WDR93: variants seen among roughly 807,000 people sequenced by gnomAD.
WDR93 encodes WD repeat-containing protein 93.
WDR93 carries 73 observed loss-of-function variants against 82.9 expected under a neutral mutation model. The observed-to-expected ratio is 0.88, with a 90% CI of 0.73 to 1.07. The LOEUF (loss-of-function observed/expected upper bound fraction) is 1.07, where lower values mean the gene tolerates loss of function less well. Ranked by LOEUF, WDR93 falls within the 50% of genes least tolerant of loss-of-function variation. The pLI is 0.00. For missense variants in WDR93, 738 were observed against 826.0 expected (o/e 0.89, Z 1.31); for synonymous variants, 283 against 300.1 (o/e 0.94, Z 0.59).
rs1296402033 is a variant in WDR93, at chr15:89,738,148, T to C, written c.1873T>C (p.Cys625Arg). 6.2e-7 allele frequency: 1 copy of C among 1,614,202 alleles called. No homozygotes were observed. Among genetic ancestry groups the C allele is most frequent in the East Asian group, 2.2e-5 (1 of 44,890 alleles). ...CPLLENISKN[C>R]TIPQRDLDNM... is the part of the protein sequence containing the mutation. ...ACTCCTGGAAAATATCTCAAAAAAT[T>C]GTACCATTCCTCAAAGGGACTTGGA... is the stretch of plus-strand genomic sequence containing the variant. Residue 625 changes from cysteine (C) to arginine (R), a missense_variant, in exon 16 of 17, where the codon TGT becomes CGT. Cys to Arg is a radical substitution (Grantham distance 180). Transcript: ENST00000268130.
chr15:89,722,039 CT>C lies in WDR93; in HGVS notation c.796-12del. 1 of 1,538,364 alleles carries C rather than the reference CT, an allele frequency of 6.5e-7. No homozygotes were observed. Among genetic ancestry groups the C allele is most frequent in the Non-Finnish European group, 8.9e-7 (1 of 1,121,896 alleles). The stretch of plus-strand genomic sequence containing the variant: ...TCTTCTCTTGGCTTATTAACTATGC[CT>C]TTTCCTTGTTTTAGGATGCAAATGT... On this transcript the variant is annotated splice_polypyrimidine_tract_variant and intron_variant, in intron 7 of 16. Transcript: ENST00000268130.
intron 5 of WDR93, among the ~76,000 whole-genome samples, chr15:89,713,111 C>T (rs1344248871): frequency 3.8e-5 from 5 of 131,676 alleles, no homozygotes; most frequent in South Asian, 2.3e-4. Flanking sequence ...CAACAAAGAG[C>T]GAAACTCCAT....
chr15:89,708,620 AGAAAG>A (rs1407603346), intron 4 of WDR93, among the ~76,000 whole-genome samples: 1 of 152,208 alleles, frequency 6.6e-6, no homozygotes, highest in Non-Finnish European at 1.5e-5. Flanking sequence ...TTTCATCCAC[AGAAAG>A]GACATCAAGG....
In WDR93 at chr15:89,714,987, A is replaced by G; in HGVS notation, c.648A>G (p.Gly216=). Reference sequence around the variant, plus strand: ...TCTGGTTTCCCAATGCAGGAGCCGGAGATATTTGGCTGGATGTGTATAAAT... The same window carrying G: ...TCTGGTTTCCCAATGCAGGAGCCGGGGATATTTGGCTGGATGTGTATAAAT... ...DFAAFLLQGA[G]DIWLDVYKLP... is the part of the protein sequence containing the mutation. Residue 216 remains glycine, a synonymous_variant, in exon 6 of 17, where the codon GGA becomes GGG. Transcript: ENST00000268130. The G allele has an allele frequency of 6.2e-7, 1 of 1,613,494 alleles. No individual in the cohort carries two copies. Among genetic ancestry groups the G allele is most frequent in the South Asian group, 1.1e-5 (1 of 90,932 alleles).
chr15:89,696,638 G>A (rs1051349011), intron 1 of WDR93, among the ~76,000 whole-genome samples: 1 of 151,904 alleles, frequency 6.6e-6, no homozygotes, highest in Non-Finnish European at 1.5e-5. Context: ...AGGACTACAG[G>A]TGCACATCAC....
chr15:89,739,115 C>CAAA (rs763514909), intron 16 of WDR93, among the ~76,000 whole-genome samples: 1 of 127,212 alleles, frequency 7.9e-6, no homozygotes. Flanking sequence ...GACCCTGCCT[C>CAAA]AAAAAAAAAA....
intron 14 of WDR93, among the ~76,000 whole-genome samples, chr15:89,736,158 A>G (rs918058480): frequency 3.9e-5 from 6 of 152,208 alleles, no homozygotes; most frequent in African/African-American, 1.4e-4. Context: ...GCAGGGATGG[A>G]GAGTTGAGAG....
chr15:89,690,782 T>TGTAG, upstream of WDR93: 1 of 569,806 alleles, frequency 1.8e-6, no homozygotes, highest in Non-Finnish European at 3.1e-6. Context: ...GCACACTTTC[T>TGTAG]GTAGAGCAAC....
intron 1 of WDR93, among the ~76,000 whole-genome samples, chr15:89,697,371 T>G (rs1006055228): frequency 1.3e-5 from 2 of 152,216 alleles, no homozygotes; most frequent in African/African-American, 2.4e-5. Flanking sequence ...GCATTAAAAC[T>G]ATTAAAAGTG....
At chr15:89,714,921 C>T in intron 5 of WDR93, 59 bp from the exon 6 acceptor site, 1 of 1,447,254 alleles carries the variant, frequency 6.9e-7, no homozygotes, top group Middle Eastern at 1.8e-4. Context: ...GGCCATTTCT[C>T]AGAGGAAACT....
At chr15:89,710,139 G>A (rs986642151) in intron 4 of WDR93, among the ~76,000 whole-genome samples, 11 of 152,198 alleles carry the variant, frequency 7.2e-5, no homozygotes, top group South Asian at 2.1e-4. Context: ...CAGCTTGGAC[G>A]ACAGAGTGAG....
intron 11 of WDR93, among the ~76,000 whole-genome samples, chr15:89,730,515 A>C (rs1387485958): frequency 6.6e-6 from 1 of 152,170 alleles, no homozygotes; most frequent in African/African-American, 2.4e-5. Flanking sequence ...CGTTTGTTGA[A>C]AATAGCAAAA....
At chr15:89,723,017 G>A (rs763297702) in intron 8 of WDR93, among the ~76,000 whole-genome samples, 102 of 151,852 alleles carry the variant, frequency 6.7e-4, no homozygotes, top group Middle Eastern at 3.4e-3. Flanking sequence ...CCAGCTTGGG[G>A]AACATGGCAA....
At chr15:89,714,944 A>C in intron 5 of WDR93, 36 bp from the exon 6 acceptor site, 1 of 1,571,366 alleles carries the variant, frequency 6.4e-7, no homozygotes, top group South Asian at 1.1e-5. Context: ...TGGCTCTCTT[A>C]CAGTTGCTCA....
rs143305335 is a variant in WDR93, at chr15:89,723,876, G to C, written c.880+1737G>C. Reference sequence around the variant, plus strand: ...AACTGTAGAAGTAAATATATGAAAGGCAAAGCAGTAAAGCTTTTAGAAAAT... The same window carrying C: ...AACTGTAGAAGTAAATATATGAAAGCCAAAGCAGTAAAGCTTTTAGAAAAT... On this transcript the variant is annotated intron_variant, in intron 8 of 16. Coordinates refer to ENST00000268130, the MANE Select transcript of WDR93 (RefSeq NM_020212.2). 2.8e-4 allele frequency among the ~76,000 whole-genome samples: 42 copies of C among 152,254 alleles called. No individual in the cohort carries two copies. The East Asian group carries it at 7.0e-3, about 25-fold the overall frequency.
chr15:89,713,716 G>A (rs576922418), intron 5 of WDR93, among the ~76,000 whole-genome samples: 3 of 152,144 alleles, frequency 2.0e-5, no homozygotes, highest in South Asian at 2.1e-4. Flanking sequence ...CAGGTGATCC[G>A]CCCGCCTCGG....
Position 89,731,628 on chromosome 15 carries a change from T to C in WDR93, c.1330+66T>C, listed in dbSNP as rs1966859917. On this transcript the variant is annotated intron_variant, in intron 12 of 16. Transcript: ENST00000268130. ...CTCTGGGCAATGAGTCTGGGAGCTC[T>C]GGAATTCCCACAGGCCCTGGGCCTT... is the stretch of plus-strand genomic sequence containing the variant. 42 of 1,602,726 alleles carry C rather than the reference T, an allele frequency of 2.6e-5. 1 individual carries two copies. The South Asian group carries it at 4.4e-4, about 17-fold the overall frequency.
intron 8 of WDR93, 77 bp from the exon 9 acceptor site, chr15:89,727,080 A>G (rs1255811121): frequency 6.7e-7 from 1 of 1,489,808 alleles, no homozygotes; most frequent in Non-Finnish European, 9.2e-7. Flanking sequence ...GAAGCTGGGA[A>G]GAGTGGAAGA....
At chr15:89,697,938 G>A (rs964200694) in intron 1 of WDR93, among the ~76,000 whole-genome samples, 3 of 147,824 alleles carry the variant, frequency 2.0e-5, no homozygotes, top group African/African-American at 5.0e-5. Context: ...GGAGTGCAGT[G>A]GTGCAATCTC....
Sources: allele counts gnomAD v4.1 joint callset (sites outside exome capture counted in the v4.1 genomes callset), GRCh38; gene constraint gnomAD v4.1.1; transcripts MANE v1.5; gene names NCBI Gene and HGNC (gene_info 2026-07-23, HGNC 2026-07-21).